The following TBC1D5 variants were observed in gnomAD, a reference collection of about 807,000 sequenced individuals.
TBC1D5 encodes TBC1 domain family, member 5.
TBC1D5 carries 75 observed loss-of-function variants against 100.3 expected under a neutral mutation model. The ratio of observed to expected loss-of-function variants is 0.75; its 90% CI spans 0.62 to 0.91. The LOEUF (loss-of-function observed/expected upper bound fraction) is 0.91. TBC1D5 is among the 40% of genes least tolerant of loss of function. The probability of loss-of-function intolerance (pLI) is 0.00; values close to 1 mark genes in which losing one functional copy is unlikely to be tolerated. For synonymous variants in TBC1D5, 323 were observed against 325.6 expected (o/e 0.99, Z 0.09); for missense variants, 910 against 942.4 (o/e 0.97, Z 0.45).
chr3:17,233,409 A>G (rs1468932429), intron 17 of TBC1D5, among the ~76,000 whole-genome samples: 1 of 152,168 alleles, frequency 6.6e-6, no homozygotes, highest in Non-Finnish European at 1.5e-5. Flanking sequence ...CTATGTTATA[A>G]TAACCACAAA....
chr3:17,251,425 A>AAC (rs2077162770), intron 16 of TBC1D5, among the ~76,000 whole-genome samples: 26 of 111,186 alleles, frequency 2.3e-4, no homozygotes, highest in Non-Finnish European at 3.5e-4. Context: ...ACTCACGGGA[A>AAC]CCCCCCCCCC....
intron 2 of TBC1D5, among the ~76,000 whole-genome samples, chr3:17,525,774 G>GTTCTCTTTTTTTTTTTTTTTT (rs2096126407): frequency 6.6e-6 from 1 of 151,530 alleles, no homozygotes; most frequent in African/African-American, 2.4e-5. Context: ...CTACCTCTCT[G>GTTCTCTTTTTTTTTTTTTTTT]TTTTCTTGAA....
chr3:17,406,074 C>T (rs773748014), intron 5 of TBC1D5, among the ~76,000 whole-genome samples: 1 of 152,042 alleles, frequency 6.6e-6, no homozygotes, highest in Middle Eastern at 3.4e-3. Flanking sequence ...ATAATAGGAA[C>T]CTAAAAGTTA....
Position 17,316,246 on chromosome 3 carries a change from G to A in TBC1D5, c.996-8112C>T, listed in dbSNP as rs1005243338. ...ATTTACAAAATTACTTTCCCTGATC[G>A]TTCTGAAGTCCACATGGAGACAAGT... On this transcript the variant is annotated intron_variant, in intron 13 of 21. Transcript: ENST00000253692. Among the ~76,000 whole-genome samples, 3 of 152,256 alleles carry A rather than the reference G, an allele frequency of 2.0e-5. No homozygotes were observed. In the East Asian group the frequency reaches 5.8e-4, roughly 29 times the overall value.
intron 1 of TBC1D5, among the ~76,000 whole-genome samples, chr3:17,692,759 G>A (rs2071359446): frequency 6.6e-6 from 1 of 152,166 alleles, no homozygotes; most frequent in African/African-American, 2.4e-5. Flanking sequence ...TCAGTTTGCA[G>A]ACCAGCACTG....
intron 19 of TBC1D5, among the ~76,000 whole-genome samples, chr3:17,175,973 T>TC (rs2125315949): frequency 6.6e-6 from 1 of 152,336 alleles, no homozygotes; most frequent in African/African-American, 2.4e-5. Context: ...TAAGCCTGTT[T>TC]CCACAGACGA....
intron 19 of TBC1D5, among the ~76,000 whole-genome samples, chr3:17,172,400 G>A (rs62248248): frequency 0.026 from 3,906 of 152,260 alleles, 65 homozygotes; most frequent in Middle Eastern, 0.068. Flanking sequence ...GTAGACAAAC[G>A]TAATGATGTC....
At chr3:17,362,510 C>T (rs1287585267) in intron 13 of TBC1D5, among the ~76,000 whole-genome samples, 2 of 151,606 alleles carry the variant, frequency 1.3e-5, no homozygotes, top group Non-Finnish European at 2.9e-5. Flanking sequence ...CTCACTCTGT[C>T]GTCCAGGCTG....
chr3:17,369,245 A>G (rs1158644045), intron 13 of TBC1D5, among the ~76,000 whole-genome samples: 3 of 152,184 alleles, frequency 2.0e-5, no homozygotes, highest in Non-Finnish European at 2.9e-5. Context: ...AAAAAGTCAA[A>G]GACAGAGTTG....
intron 2 of TBC1D5, among the ~76,000 whole-genome samples, chr3:17,591,669 C>T (rs2153565991): frequency 6.6e-6 from 1 of 152,270 alleles, no homozygotes; most frequent in South Asian, 2.1e-4. Context: ...TGGTCATTTC[C>T]CCAGTGCTGG....
At chr3:17,611,836 A>G (rs1038963798) in intron 2 of TBC1D5, among the ~76,000 whole-genome samples, 1 of 152,236 alleles carries the variant, frequency 6.6e-6, no homozygotes, top group Non-Finnish European at 1.5e-5. Context: ...AATGCTAAGA[A>G]TAATGCATTA....
chr3:17,318,317 T>C (rs1485334316), intron 13 of TBC1D5, among the ~76,000 whole-genome samples: 1 of 151,888 alleles, frequency 6.6e-6, no homozygotes, highest in African/African-American at 2.4e-5. Context: ...ACATGGCACA[T>C]GTATACATAT....
chr3:17,194,502 C>T (rs2070386449), intron 18 of TBC1D5, among the ~76,000 whole-genome samples: 1 of 152,176 alleles, frequency 6.6e-6, no homozygotes, highest in South Asian at 2.1e-4. Flanking sequence ...TACAATTTCT[C>T]ATTAAAAACA....
At chr3:17,590,313 G>C (rs1160004949) in intron 2 of TBC1D5, among the ~76,000 whole-genome samples, 1 of 152,174 alleles carries the variant, frequency 6.6e-6, no homozygotes, top group Non-Finnish European at 1.5e-5. Context: ...ACTAAGTAGG[G>C]ACTCTGCATT....
chr3:17,215,936 C>T (rs1394237681), intron 17 of TBC1D5, among the ~76,000 whole-genome samples: 1 of 152,140 alleles, frequency 6.6e-6, no homozygotes, highest in Non-Finnish European at 1.5e-5. Context: ...AATTTTATTA[C>T]ACTGACGCTT....
chr3:17,433,443 AAGG>A (rs1489019109), intron 3 of TBC1D5, among the ~76,000 whole-genome samples: 4 of 152,190 alleles, frequency 2.6e-5, no homozygotes, highest in Non-Finnish European at 5.9e-5. Context: ...TGATGGCATG[AAGG>A]AGAAGTACAG....
chr3:17,455,593 C>T (rs1372797589), intron 3 of TBC1D5, among the ~76,000 whole-genome samples: 2 of 151,158 alleles, frequency 1.3e-5, no homozygotes, highest in African/African-American at 2.4e-5. Flanking sequence ...AATCCCAACA[C>T]TTTGGGAGGC....
At chr3:17,469,254 TA>T (rs2095344796) in intron 3 of TBC1D5, among the ~76,000 whole-genome samples, 1 of 152,186 alleles carries the variant, frequency 6.6e-6, no homozygotes, top group Non-Finnish European at 1.5e-5. Context: ...TGTTAGGAGC[TA>T]AAATGTAGAA....
At chr3:17,325,373 A>G (rs1341940452) in intron 13 of TBC1D5, among the ~76,000 whole-genome samples, 1 of 137,842 alleles carries the variant, frequency 7.3e-6, no homozygotes, top group Admixed American at 7.8e-5. Context: ...CCCAGGCTGG[A>G]GTGCAATGGT....
Sources: allele counts gnomAD v4.1 joint callset (sites outside exome capture counted in the v4.1 genomes callset), GRCh38; gene constraint gnomAD v4.1.1; transcripts MANE v1.5; gene names NCBI Gene and HGNC (gene_info 2026-07-23, HGNC 2026-07-21).